ROPN1L: variants seen among roughly 807,000 people sequenced by gnomAD.
ROPN1L encodes the protein ropporin-1-like protein.
ROPN1L carries 23 observed loss-of-function variants against 22.7 expected under a neutral mutation model. The ratio of observed to expected loss-of-function variants is 1.01; its 90% CI spans 0.73 to 1.43. The LOEUF (loss-of-function observed/expected upper bound fraction) is 1.43, where lower values mean the gene tolerates loss of function less well. ROPN1L is among the 40% of genes most tolerant of loss of function. The pLI is 0.00. For synonymous variants in ROPN1L, 116 were observed against 117.8 expected (o/e 0.98, Z 0.10); for missense variants, 271 against 291.5 (o/e 0.93, Z 0.51).
intron 2 of ROPN1L, among the ~76,000 whole-genome samples, chr5:10,449,379 C>T (rs949560314): frequency 6.6e-6 from 1 of 152,032 alleles, no homozygotes; most frequent in Non-Finnish European, 1.5e-5. Context: ...CTTAACAGGG[C>T]GTGGTGGTGC....
chr5:10,471,449 G>A (rs367882720), intron 4 of ROPN1L, among the ~76,000 whole-genome samples: 75 of 152,188 alleles, frequency 4.9e-4, no homozygotes, highest in African/African-American at 1.7e-3. Context: ...TGTCTGATCC[G>A]TCCTTGATTT....
intron 4 of ROPN1L, 54 bp from the exon 5 acceptor site, chr5:10,464,794 C>A: frequency 1.0e-6 from 1 of 1,001,282 alleles, no homozygotes; most frequent in Non-Finnish European, 1.5e-6. Flanking sequence ...AAAAATGTTA[C>A]TAAGTATATG....
chr5:10,475,690 G>C (rs1735308593), downstream of ROPN1L, among the ~76,000 whole-genome samples: 2 of 152,218 alleles, frequency 1.3e-5, no homozygotes, highest in South Asian at 4.1e-4. Context: ...CTGGGTTCCA[G>C]ACCTGATTCT....
At chr5:10,454,243 C>T (rs1221732639) in intron 3 of ROPN1L, among the ~76,000 whole-genome samples, 2 of 152,164 alleles carry the variant, frequency 1.3e-5, no homozygotes, top group Non-Finnish European at 2.9e-5. Context: ...CTTCCCACCT[C>T]AGCCTCCCAA....
intron 3 of ROPN1L, among the ~76,000 whole-genome samples, chr5:10,455,153 A>G (rs1741377453): frequency 6.6e-6 from 1 of 152,200 alleles, no homozygotes. Context: ...GTGCTACAGC[A>G]TGTCAGATTC....
At chr5:10,454,270 T>C (rs1424007929) in intron 3 of ROPN1L, among the ~76,000 whole-genome samples, 1 of 152,110 alleles carries the variant, frequency 6.6e-6, no homozygotes, top group Non-Finnish European at 1.5e-5. Context: ...ATTACAGGCA[T>C]GCAGCACCAC....
At chr5:10,471,601 G>A (rs1238137021) in intron 4 of ROPN1L, among the ~76,000 whole-genome samples, 1 of 152,232 alleles carries the variant, frequency 6.6e-6, no homozygotes, top group East Asian at 1.9e-4. Flanking sequence ...CCCCTGGGCT[G>A]GCTGCGGTGG....
chr5:10,446,736 G>A (rs1289496624), intron 1 of ROPN1L, among the ~76,000 whole-genome samples: 1 of 151,790 alleles, frequency 6.6e-6, no homozygotes, highest in African/African-American at 2.4e-5. Flanking sequence ...GGGGAAAGAG[G>A]AGGAGCATTA....
chr5:10,467,981 G>A (rs1353940601), downstream of ROPN1L, among the ~76,000 whole-genome samples: 2 of 152,242 alleles, frequency 1.3e-5, no homozygotes, highest in Non-Finnish European at 2.9e-5. Context: ...TGAGTGCTGG[G>A]CCACTGGCCG....
At chr5:10,465,084 G>A, downstream of ROPN1L, 1 of 479,548 alleles carries the variant, frequency 2.1e-6, no homozygotes, top group South Asian at 4.8e-5. Flanking sequence ...GCTTCGTGGG[G>A]CCTGATTCAT....
intron 3 of ROPN1L, among the ~76,000 whole-genome samples, chr5:10,455,804 C>CTGGG (rs1464467637): frequency 0.033 from 4,888 of 147,858 alleles, 463 homozygotes; most frequent in African/African-American, 0.11. Context: ...AAAACCAGTG[C>CTGGG]TCGGTCAGAG....
chr5:10,461,330 A>C lies in ROPN1L; in HGVS notation c.564A>C (p.Glu188Asp), dbSNP rs773025569. ...LDSDVSPLET[E>D]SYLASLKENI... Reference sequence around the variant, plus strand: ...CAGATGTGTCTCCCTTGGAGACGGAATCCTACCTTGCCTCTCTAAAGGAAA... The same window carrying C: ...CAGATGTGTCTCCCTTGGAGACGGACTCCTACCTTGCCTCTCTAAAGGAAA... Residue 188 changes from glutamate (E) to aspartate (D), a missense_variant, in exon 4 of 5, where the codon GAA becomes GAC. Glu to Asp is a conservative substitution (Grantham distance 45, BLOSUM62 2). Transcript: ENST00000274134. 2.5e-6 allele frequency: 4 copies of C among 1,614,060 alleles called. No homozygotes were observed. The highest frequency in any genetic ancestry group is 2.2e-5 in the South Asian group (2 of 91,090).
intron 3 of ROPN1L, among the ~76,000 whole-genome samples, chr5:10,453,120 C>T (rs1362134742): frequency 1.3e-5 from 2 of 152,234 alleles, no homozygotes; most frequent in African/African-American, 4.8e-5. Flanking sequence ...GAGGCCTCTC[C>T]TGGTTGTAGA....
At chr5:10,463,321 T>A (rs1345841927) in intron 4 of ROPN1L, among the ~76,000 whole-genome samples, 4 of 152,210 alleles carry the variant, frequency 2.6e-5, no homozygotes, top group Admixed American at 1.3e-4. Context: ...ATTTGTTCAT[T>A]CCCTAAACCA....
At chr5:10,476,228 C>A (rs1391250484), downstream of ROPN1L, among the ~76,000 whole-genome samples, 2 of 152,330 alleles carry the variant, frequency 1.3e-5, no homozygotes, top group East Asian at 3.9e-4. Context: ...TTTCAATGTC[C>A]CCAACTCCTG....
intron 3 of ROPN1L, among the ~76,000 whole-genome samples, chr5:10,458,155 C>T (rs1225809293): frequency 2.0e-5 from 3 of 152,042 alleles, no homozygotes; most frequent in Non-Finnish European, 4.4e-5. Context: ...CACCGGGCTC[C>T]GAGGAAATCC....
intron 2 of ROPN1L, among the ~76,000 whole-genome samples, chr5:10,449,492 C>G (rs1741186103): frequency 6.6e-6 from 1 of 152,102 alleles, no homozygotes; most frequent in Admixed American, 6.5e-5. Context: ...GCACTCCAGC[C>G]TGGGCAACAG....
intron 1 of ROPN1L, 89 bp downstream of exon 1, chr5:10,442,387 C>A (rs1405071313): frequency 1.6e-5 from 25 of 1,518,554 alleles, no homozygotes; most frequent in East Asian, 2.3e-5. Flanking sequence ...AGGGGCCTTA[C>A]GCGGCACTCA....
chr5:10,462,650 T>C (rs1735056922), intron 4 of ROPN1L, among the ~76,000 whole-genome samples: 1 of 152,110 alleles, frequency 6.6e-6, no homozygotes, highest in Non-Finnish European at 1.5e-5. Context: ...TCCCAGCACT[T>C]TGGGAGTCCG....
Sources: allele counts gnomAD v4.1 joint callset (sites outside exome capture counted in the v4.1 genomes callset), GRCh38; gene constraint gnomAD v4.1.1; transcripts MANE v1.5; gene names NCBI Gene and HGNC (gene_info 2026-07-23, HGNC 2026-07-21).